OTOP1: variants seen among roughly 807,000 people sequenced by gnomAD.
The protein encoded by OTOP1 is otopetrin 1.
A neutral mutation model predicts 52.9 loss-of-function variants in OTOP1; 59 were observed. The observed-to-expected ratio is 1.12, with a 90% CI of 0.91 to 1.39. OTOP1 has a LOEUF of 1.39. OTOP1 is among the 40% of genes most tolerant of loss of function. OTOP1 has a pLI of 0.00. For missense variants in OTOP1, 761 were observed against 800.9 expected (o/e 0.95, Z 0.60); for synonymous variants, 317 against 337.7 (o/e 0.94, Z 0.67).
chr4:4,192,708 G>T (rs929516115), intron 5 of OTOP1, among the ~76,000 whole-genome samples: 4 of 152,150 alleles, frequency 2.6e-5, no homozygotes, highest in Non-Finnish European at 5.9e-5. Context: ...GAAGGCAGGG[G>T]TCACACTTGG....
At chr4:4,199,844 C>CT (rs1289893026) in intron 4 of OTOP1, among the ~76,000 whole-genome samples, 1 of 152,196 alleles carries the variant, frequency 6.6e-6, no homozygotes, top group African/African-American at 2.4e-5. Context: ...TAGCGACCAA[C>CT]TTTTTTGTAG....
rs773274602 is a variant in OTOP1, at chr4:4,226,513, G to A, written c.352C>T (p.Arg118Cys). The A allele has an allele frequency of 6.9e-6, 11 of 1,585,008 alleles. No homozygotes were observed. The highest frequency in any genetic ancestry group is 1.1e-5 in the South Asian group (1 of 88,730). ...GTGTCCTTGAGGCGGAAGAGGCGGC[G>A]GTGCGCGGAGCTGCGGCCCACGTAC... ...LWYVGRSSAH[R>C]RLFRLKDTHA... The change falls in exon 1 of 6, where the codon CGC becomes TGC. Residue 118 changes from arginine (R) to cysteine (C), a missense_variant. Transcript: ENST00000296358.
intron 4 of OTOP1, among the ~76,000 whole-genome samples, chr4:4,198,817 C>T (rs1374345586): frequency 2.0e-5 from 3 of 152,120 alleles, no homozygotes; most frequent in Non-Finnish European, 4.4e-5. Context: ...GCCCTAAAGG[C>T]GATGCAGTCT....
intron 1 of OTOP1, 39 bp downstream of exon 1, chr4:4,226,423 G>T: frequency 1.4e-6 from 2 of 1,388,374 alleles, no homozygotes; most frequent in Non-Finnish European, 1.9e-6. Context: ...GCCAGCGGGC[G>T]AGGAGGCGGA....
chr4:4,197,105 G>A, intron 5 of OTOP1, 61 bp downstream of exon 5: 7 of 1,501,288 alleles, frequency 4.7e-6, no homozygotes, highest in Non-Finnish European at 3.6e-6. Context: ...TGTACCCCTT[G>A]AACCGAAAAT....
At chr4:4,226,206 A>T (rs1201218030) in intron 1 of OTOP1, among the ~76,000 whole-genome samples, 1 of 152,192 alleles carries the variant, frequency 6.6e-6, no homozygotes, top group African/African-American at 2.4e-5. Context: ...AGGGAAGGAC[A>T]AGAGAGGTTT....
chr4:4,220,098 T>TAC (rs1717265261), intron 1 of OTOP1, among the ~76,000 whole-genome samples: 1 of 106,356 alleles, frequency 9.4e-6, no homozygotes, highest in Non-Finnish European at 1.8e-5. Flanking sequence ...TATATATATA[T>TAC]ATATATATTT....
intron 5 of OTOP1, among the ~76,000 whole-genome samples, chr4:4,194,374 G>T (rs1716576879): frequency 6.6e-6 from 1 of 152,154 alleles, no homozygotes; most frequent in African/African-American, 2.4e-5. Flanking sequence ...CTGTGCCCCT[G>T]ACATAGCCCC....
At chr4:4,222,263 C>G (rs1717319742) in intron 1 of OTOP1, among the ~76,000 whole-genome samples, 1 of 152,092 alleles carries the variant, frequency 6.6e-6, no homozygotes, top group Admixed American at 6.6e-5. Flanking sequence ...AACCTGGGGG[C>G]TGCCCCTGGT....
At chr4:4,225,433 G>A (rs1240765692) in intron 1 of OTOP1, among the ~76,000 whole-genome samples, 1 of 152,170 alleles carries the variant, frequency 6.6e-6, no homozygotes, top group African/African-American at 2.4e-5. Flanking sequence ...GCTGGGCAAG[G>A]CCATGTGTGT....
In OTOP1 at chr4:4,188,746, C is replaced by T; in HGVS notation, c.*57G>A. On this transcript the variant is annotated 3_prime_UTR_variant, in exon 6 of 6. Transcript: ENST00000296358. ...CAATATTTGCCCAACCTGGCCACTCCTAGTTGGCTCCAATGAACTCTTGTT... is the reference window on the plus strand; with the variant it reads ...CAATATTTGCCCAACCTGGCCACTCTTAGTTGGCTCCAATGAACTCTTGTT... 3 of 1,493,810 alleles carry T rather than the reference C, an allele frequency of 2.0e-6. No homozygotes were observed. In the South Asian group the frequency reaches 4.2e-5, roughly 21 times the overall value. 92.5% of individuals were successfully genotyped at this position (1,493,810 alleles called of 1,614,324 possible).
chr4:4,201,467 T>C (rs371895779), intron 4 of OTOP1, among the ~76,000 whole-genome samples: 11,766 of 126,164 alleles, frequency 0.093, 650 homozygotes, highest in Admixed American at 0.18. Context: ...TAAATATATA[T>C]ATATACACAC....
chr4:4,188,747 T>C lies in OTOP1; in HGVS notation c.*56A>G. On this transcript the variant is annotated 3_prime_UTR_variant, in exon 6 of 6. Transcript: ENST00000296358. ...AATATTTGCCCAACCTGGCCACTCC[T>C]AGTTGGCTCCAATGAACTCTTGTTA... 6.7e-7 allele frequency: 1 copy of C among 1,495,832 alleles called. No individual in the cohort carries two copies. The highest frequency in any genetic ancestry group is 1.4e-5 in the South Asian group (1 of 72,508). 92.7% of individuals were successfully genotyped at this position (1,495,832 alleles called of 1,614,324 possible).
At chr4:4,222,377 C>T (rs1391415544) in intron 1 of OTOP1, among the ~76,000 whole-genome samples, 4 of 152,096 alleles carry the variant, frequency 2.6e-5, no homozygotes, top group Non-Finnish European at 5.9e-5. Flanking sequence ...ACTTTCTACC[C>T]TGTGACCTCC....
At chr4:4,206,821 T>A (rs570859537) in intron 2 of OTOP1, among the ~76,000 whole-genome samples, 1 of 152,228 alleles carries the variant, frequency 6.6e-6, no homozygotes, top group Non-Finnish European at 1.5e-5. Flanking sequence ...ATGATCCATG[T>A]CAATCACTTA....
At chr4:4,204,924 C>T (rs1716866515) in intron 3 of OTOP1, among the ~76,000 whole-genome samples, 1 of 152,122 alleles carries the variant, frequency 6.6e-6, no homozygotes, top group African/African-American at 2.4e-5. Flanking sequence ...GCGCCCACCA[C>T]CACACACAGC....
At chr4:4,192,358 T>A (rs1331621958) in intron 5 of OTOP1, among the ~76,000 whole-genome samples, 1 of 152,104 alleles carries the variant, frequency 6.6e-6, no homozygotes, top group Non-Finnish European at 1.5e-5. Context: ...CAACTTCACC[T>A]GATGCTGTGA....
chr4:4,218,492 G>A (rs1047812746), intron 1 of OTOP1, among the ~76,000 whole-genome samples: 15 of 151,904 alleles, frequency 9.9e-5, no homozygotes, highest in South Asian at 2.1e-4. Context: ...GAGGGAAGAA[G>A]GGAAAGGAAT....
At chr4:4,192,060 T>C (rs1007720218) in intron 5 of OTOP1, among the ~76,000 whole-genome samples, 1 of 152,222 alleles carries the variant, frequency 6.6e-6, no homozygotes, top group Non-Finnish European at 1.5e-5. Flanking sequence ...TATGAACTCT[T>C]TCCTTGAATC....
Sources: gnomAD v4.1 joint callset for allele counts (sites outside exome capture counted in the v4.1 genomes callset) on GRCh38, gnomAD v4.1.1 for gene constraint, MANE v1.5 for transcripts, NCBI Gene and HGNC (gene_info 2026-07-23, HGNC 2026-07-21) for gene names.